Variants in C1orf87 observed in about 807,000 individuals in gnomAD.
C1orf87 encodes chromosome 1 open reading frame 87, also known as uncharacterized protein C1orf87.
In C1orf87, 58 loss-of-function variants were observed where a neutral mutation model predicts 60.5. The ratio of observed to expected loss-of-function variants is 0.96; its 90% CI spans 0.78 to 1.19. The LOEUF is 1.19. Ranked by LOEUF, C1orf87 falls within the 50% of genes most tolerant of loss-of-function variation. C1orf87 has a pLI of 0.00. For synonymous variants in C1orf87, 236 were observed against 227.4 expected (o/e 1.04, Z -0.34); for missense variants, 673 against 638.6 (o/e 1.05, Z -0.58).
At chr1:60,027,017 G>A (rs989090581) in intron 7 of C1orf87, among the ~76,000 whole-genome samples, 4 of 152,092 alleles carry the variant, frequency 2.6e-5, no homozygotes, top group African/African-American at 4.8e-5. Flanking sequence ...CCAACAAAAC[G>A]TTCAAAATCC....
intron 7 of C1orf87, among the ~76,000 whole-genome samples, chr1:60,030,177 C>T (rs1645227648): frequency 6.6e-6 from 1 of 152,146 alleles, no homozygotes; most frequent in Non-Finnish European, 1.5e-5. Context: ...TCAGTGCCTA[C>T]CACAATGCCC....
chr1:60,051,943 A>G lies in C1orf87; in HGVS notation c.342+3261T>C, dbSNP rs1327261198. On this transcript the variant is annotated intron_variant, in intron 3 of 11. Coordinates refer to ENST00000371201, the MANE Select transcript of C1orf87 (RefSeq NM_152377.3). ...GGTGAGACCATTCTGTGAGACACAG[A>G]CCACCAGAAGTACAAGATCAAAGGC... Among the ~76,000 whole-genome samples the G allele has an allele frequency of 4.6e-5, 7 of 152,320 alleles. No individual in the cohort carries two copies. The East Asian group carries it at 1.4e-3, about 29-fold the overall frequency.
At chr1:60,019,253 C>T (rs1186748508) in intron 8 of C1orf87, among the ~76,000 whole-genome samples, 1 of 152,186 alleles carries the variant, frequency 6.6e-6, no homozygotes, top group Non-Finnish European at 1.5e-5. Flanking sequence ...GCACGTCCCC[C>T]TCACTGTCTC....
intron 8 of C1orf87, chr1:60,011,016 G>T (rs951907072): frequency 4.6e-5 from 7 of 151,976 alleles, no homozygotes; most frequent in Non-Finnish European, 1.0e-4. Context: ...AGAACTTTGT[G>T]TCAAGAGGGT....
chr1:60,052,672 T>A lies in C1orf87; in HGVS notation c.342+2532A>T, dbSNP rs1005585238. Among the ~76,000 whole-genome samples the A allele has an allele frequency of 6.6e-5, 10 of 152,338 alleles. No homozygotes were observed. In the East Asian group the frequency reaches 1.9e-3, roughly 29 times the overall value. ...TAGCTCAGTCTTTATCAGCAACTTCTCTTTTGGAGCAAATTCAGCTGGTCC... is the reference window on the plus strand; with the variant it reads ...TAGCTCAGTCTTTATCAGCAACTTCACTTTTGGAGCAAATTCAGCTGGTCC... On this transcript the variant is annotated intron_variant, in intron 3 of 11. Transcript: ENST00000371201.
intron 8 of C1orf87, among the ~76,000 whole-genome samples, chr1:60,015,669 A>G (rs1366916420): frequency 6.6e-6 from 1 of 152,134 alleles, no homozygotes; most frequent in Non-Finnish European, 1.5e-5. Flanking sequence ...TTGTGTGTCC[A>G]AATGCCCACT....
At chr1:60,034,765 T>A (rs893049198) in intron 6 of C1orf87, among the ~76,000 whole-genome samples, 1 of 152,154 alleles carries the variant, frequency 6.6e-6, no homozygotes, top group African/African-American at 2.4e-5. Context: ...TGCAGTCACA[T>A]CTCTATTTCC....
chr1:60,027,877 G>A (rs1260508248), intron 7 of C1orf87, among the ~76,000 whole-genome samples: 1 of 152,112 alleles, frequency 6.6e-6, no homozygotes, highest in Non-Finnish European at 1.5e-5. Context: ...GACATTATCT[G>A]TTCTGCTATC....
At chr1:60,037,905 C>A (rs956794727) in intron 6 of C1orf87, 87 bp downstream of exon 6, 1 of 751,390 alleles carries the variant, frequency 1.3e-6, no homozygotes, top group South Asian at 2.4e-5. Context: ...TCTTTATAAG[C>A]CACCCAGTTT....
intron 8 of C1orf87, among the ~76,000 whole-genome samples, chr1:60,015,681 C>T (rs1645119999): frequency 6.6e-6 from 1 of 152,148 alleles, no homozygotes; most frequent in South Asian, 2.1e-4. Context: ...ATGCCCACTT[C>T]CTATAAGGAC....
intron 2 of C1orf87, among the ~76,000 whole-genome samples, chr1:60,066,035 T>C (rs1645544011): frequency 6.6e-6 from 1 of 152,164 alleles, no homozygotes; most frequent in Non-Finnish European, 1.5e-5. Flanking sequence ...ATACCTTAAT[T>C]AAAAATACTT....
chr1:59,996,962 A>G (rs1418114654), intron 11 of C1orf87, among the ~76,000 whole-genome samples: 2 of 152,220 alleles, frequency 1.3e-5, no homozygotes, highest in Non-Finnish European at 2.9e-5. Flanking sequence ...TGGATGTTAA[A>G]GAATCCTAAG....
chr1:60,025,549 A>C, intron 7 of C1orf87, 51 bp from the exon 8 acceptor site: 1 of 1,355,600 alleles, frequency 7.4e-7, no homozygotes, highest in Non-Finnish European at 1.0e-6. Flanking sequence ...TAGGATACAA[A>C]ATGTTTCAAT....
At chr1:60,055,062 GA>G (rs1466066973) in intron 3 of C1orf87, 141 bp downstream of exon 3, 18 of 796,286 alleles carry the variant, frequency 2.3e-5, no homozygotes, top group Middle Eastern at 5.4e-4. Flanking sequence ...TTTTCAGATT[GA>G]AAAAAATTGA....
chr1:60,064,527 A>C (rs886162316), intron 2 of C1orf87, among the ~76,000 whole-genome samples: 1 of 131,326 alleles, frequency 7.6e-6, no homozygotes, highest in Non-Finnish European at 1.6e-5. Flanking sequence ...TATTGCTAAA[A>C]TATGCTAATA....
At chr1:60,053,770 A>G (rs1645432458) in intron 3 of C1orf87, among the ~76,000 whole-genome samples, 1 of 152,104 alleles carries the variant, frequency 6.6e-6, no homozygotes, top group South Asian at 2.1e-4. Context: ...TGCTATTTTT[A>G]TAATTAGAAA....
At chr1:60,013,797 T>G (rs889952419) in intron 8 of C1orf87, among the ~76,000 whole-genome samples, 1 of 152,008 alleles carries the variant, frequency 6.6e-6, no homozygotes, top group African/African-American at 2.4e-5. Context: ...TCACTAGACC[T>G]GAAGTCAAGG....
At chr1:60,000,161 G>A (rs532762630) in intron 10 of C1orf87, among the ~76,000 whole-genome samples, 1 of 152,246 alleles carries the variant, frequency 6.6e-6, no homozygotes, top group African/African-American at 2.4e-5. Flanking sequence ...ATGAATGAAT[G>A]ATTTTCTCAG....
intron 3 of C1orf87, among the ~76,000 whole-genome samples, chr1:60,051,207 A>T (rs1271683902): frequency 6.6e-6 from 1 of 152,188 alleles, no homozygotes; most frequent in African/African-American, 2.4e-5. Context: ...TAAGTCAAGG[A>T]GTTTAAATTT....
Sources: gnomAD v4.1 joint callset for allele counts (sites outside exome capture counted in the v4.1 genomes callset) on GRCh38, gnomAD v4.1.1 for gene constraint, MANE v1.5 for transcripts, NCBI Gene and HGNC (gene_info 2026-07-23, HGNC 2026-07-21) for gene names.